The following S100P variants were observed in gnomAD, a reference collection of about 807,000 sequenced individuals.
S100P encodes the protein protein S100-P.
In S100P, 7 loss-of-function variants were observed where a neutral mutation model predicts 4.7. That is an observed-to-expected ratio of 1.48 (90% confidence interval 0.84 to 2.77). The LOEUF is 2.77. Among genes scored for constraint, S100P ranks in the 30% most tolerant of loss-of-function variants. S100P has a pLI of 0.00. For synonymous variants in S100P, 48 were observed against 49.0 expected (o/e 0.98, Z 0.08); for missense variants, 122 against 120.6 (o/e 1.01, Z -0.06).
At chr4:6,695,208 C>T (rs73089276) in intron 1 of S100P, among the ~76,000 whole-genome samples, 1 of 152,138 alleles carries the variant, frequency 6.6e-6, no homozygotes, top group African/African-American at 2.4e-5. Flanking sequence ...TCAGGCAATG[C>T]GTCAGCCTCG....
At chr4:6,694,733 G>A (rs58654929) in intron 1 of S100P, among the ~76,000 whole-genome samples, 43,462 of 151,768 alleles carry the variant, frequency 0.29, 6,822 homozygotes, top group East Asian at 0.65. Flanking sequence ...AACAGAAGCC[G>A]TACCCTCTCC....
intron 1 of S100P, among the ~76,000 whole-genome samples, chr4:6,696,094 TC>T (rs1714367227): frequency 6.6e-6 from 1 of 152,216 alleles, no homozygotes; most frequent in African/African-American, 2.4e-5. Flanking sequence ...TAATTGTGTT[TC>T]TTTCCACCTG....
Position 6,697,034 on chromosome 4 carries a change from C to A in S100P, c.280C>A (p.Leu94Ile). 1.2e-6 allele frequency: 2 copies of A among 1,612,420 alleles called. No individual in the cohort carries two copies. The highest frequency in any genetic ancestry group is 2.2e-5 in the East Asian group (1 of 44,800). ...TCACAAGTACTTTGAGAAGGCAGGA[C>A]TCAAATGATGCCCTGGAGATGTCAC... The part of the protein sequence containing the change: ...ACHKYFEKAG[L>I]K The change falls in exon 2 of 2, where the codon CTC becomes ATC. Residue 94 changes from leucine (L) to isoleucine (I), a missense_variant. Leu to Ile is a conservative substitution (Grantham distance 5). Coordinates refer to ENST00000296370, the MANE Select transcript of S100P (RefSeq NM_005980.3).
In S100P at chr4:6,696,932, G is replaced by C; in HGVS notation, c.178G>C (p.Asp60His). ...DKDAVDKLLK[D>H]LDANGDAQVD... ...GGATGCCGTGGATAAATTGCTCAAG[G>C]ACCTGGACGCCAATGGAGATGCCCA... The change falls in exon 2 of 2, where the codon GAC becomes CAC. Residue 60 changes from aspartate (D) to histidine (H), a missense_variant. Transcript: ENST00000296370. 1 of 1,614,054 alleles carries C rather than the reference G, an allele frequency of 6.2e-7. No homozygotes were observed.
chr4:6,694,439 G>A (rs931629914), intron 1 of S100P, among the ~76,000 whole-genome samples: 15 of 152,232 alleles, frequency 9.9e-5, no homozygotes, highest in African/African-American at 3.6e-4. Flanking sequence ...AAGCCCTTGA[G>A]CCCTCGGGGC....
chr4:6,693,989 G>C lies in S100P; in HGVS notation c.57G>C (p.Ser19=). The change falls in exon 1 of 2, where the codon TCG becomes TCC. Residue 19 remains serine, a synonymous_variant. Coordinates refer to ENST00000296370, the MANE Select transcript of S100P (RefSeq NM_005980.3). ...GMIIDVFSRY[S]GSEGSTQTLT... The stretch of plus-strand genomic sequence containing the variant: ...TCATAGACGTCTTTTCCCGATATTC[G>C]GGCAGCGAGGGCAGCACGCAGACCC... 1.9e-6 allele frequency: 3 copies of C among 1,614,060 alleles called. No individual in the cohort carries two copies. The highest frequency in any genetic ancestry group is 8.5e-7 in the Non-Finnish European group (1 of 1,179,994).
At chr4:6,694,510 C>T (rs1468384501) in intron 1 of S100P, among the ~76,000 whole-genome samples, 1 of 152,242 alleles carries the variant, frequency 6.6e-6, no homozygotes, top group East Asian at 1.9e-4. Flanking sequence ...CCCGCTTTCC[C>T]TGCTCCCATT....
intron 1 of S100P, among the ~76,000 whole-genome samples, chr4:6,696,388 CT>C (rs1409217355): frequency 6.6e-6 from 1 of 152,210 alleles, no homozygotes; most frequent in Non-Finnish European, 1.5e-5. Context: ...GGGCAGGTCC[CT>C]TGGGCCCTCT....
chr4:6,696,800 G>A (rs1714382213), intron 1 of S100P, 93 bp from the exon 2 acceptor site: 1 of 1,253,328 alleles, frequency 8.0e-7, no homozygotes, highest in Non-Finnish European at 1.1e-6. Flanking sequence ...GCAGATGTGG[G>A]TGCCCTGCTC....
Position 6,693,913 on chromosome 4 carries a change from G to C in S100P, c.-20G>C. The C allele has an allele frequency of 6.2e-7, 1 of 1,614,104 alleles. No homozygotes were observed. Among genetic ancestry groups the C allele is most frequent in the Non-Finnish European group, 8.5e-7 (1 of 1,179,988 alleles). ...GGCCCTGCCAGCCCCCAGGAGGAAG[G>C]TGGGTCTGAATCTAGCACCATGACG... On this transcript the variant is annotated 5_prime_UTR_variant, in exon 1 of 2. Coordinates refer to ENST00000296370, the MANE Select transcript of S100P (RefSeq NM_005980.3).
intron 1 of S100P, 30 bp downstream of exon 1, chr4:6,694,100 C>CG (rs1560127352): frequency 6.3e-7 from 1 of 1,576,834 alleles, no homozygotes; most frequent in South Asian, 1.2e-5. Flanking sequence ...CTGGACTCAG[C>CG]GGGGGCTGGG....
intron 1 of S100P, 48 bp downstream of exon 1, chr4:6,694,118 G>T: frequency 1.3e-6 from 2 of 1,546,582 alleles, no homozygotes; most frequent in East Asian, 2.3e-5. Context: ...GGGGAAGAAG[G>T]GGAAGGCGTG....
intron 1 of S100P, among the ~76,000 whole-genome samples, chr4:6,696,040 G>A (rs990447383): frequency 1.3e-5 from 2 of 152,182 alleles, no homozygotes. Context: ...AGGTCTTCAT[G>A]CACACAGTTG....
intron 1 of S100P, among the ~76,000 whole-genome samples, chr4:6,694,983 G>A (rs911278316): frequency 1.1e-5 from 1 of 94,512 alleles, no homozygotes; most frequent in South Asian, 3.1e-4. Context: ...TTTTTTTTTT[G>A]AGACAAGATG....
At chr4:6,695,273 A>G (rs757302474) in intron 1 of S100P, among the ~76,000 whole-genome samples, 1 of 152,036 alleles carries the variant, frequency 6.6e-6, no homozygotes, top group Non-Finnish European at 1.5e-5. Context: ...GCCTAGTTCT[A>G]TTTTCTAAAT....
At chr4:6,694,212 A>G in intron 1 of S100P, 142 bp downstream of exon 1, 1 of 820,926 alleles carries the variant, frequency 1.2e-6, no homozygotes, top group South Asian at 1.8e-5. Context: ...ATGCCCTGGA[A>G]GCCCAGCCAA....
chr4:6,695,036 C>G (rs1427309521), intron 1 of S100P, among the ~76,000 whole-genome samples: 1 of 151,238 alleles, frequency 6.6e-6, no homozygotes, highest in African/African-American at 2.4e-5. Context: ...AGGATCACGG[C>G]TCACTGCAGC....
chr4:6,695,034 G>A (rs1049140038), intron 1 of S100P, among the ~76,000 whole-genome samples: 1 of 149,916 alleles, frequency 6.7e-6, no homozygotes, highest in Non-Finnish European at 1.5e-5. Flanking sequence ...GCAGGATCAC[G>A]GCTCACTGCA....
chr4:6,696,065 G>A (rs946645616), intron 1 of S100P, among the ~76,000 whole-genome samples: 2 of 151,098 alleles, frequency 1.3e-5, no homozygotes, highest in Admixed American at 6.6e-5. Context: ...TTGGTCAGAT[G>A]ATATGTTTCT....
Sources: allele counts gnomAD v4.1 joint callset (sites outside exome capture counted in the v4.1 genomes callset), GRCh38; gene constraint gnomAD v4.1.1; transcripts MANE v1.5; gene names NCBI Gene and HGNC (gene_info 2026-07-23, HGNC 2026-07-21).